IQGAP2: variants seen among roughly 807,000 people sequenced by gnomAD.
The protein encoded by IQGAP2 is ras GTPase-activating-like protein IQGAP2.
Under a neutral mutation model 201.3 loss-of-function variants are expected in IQGAP2, and 173 were observed. The observed-to-expected ratio is 0.86, with a 90% CI of 0.76 to 0.98. IQGAP2 has a LOEUF of 0.98. IQGAP2 is among the 50% of genes least tolerant of loss of function. The pLI is 0.00. For missense variants in IQGAP2, 1,687 were observed against 1,864.8 expected (o/e 0.90, Z 1.76); for synonymous variants, 675 against 673.9 (o/e 1.00, Z -0.03).
At chr5:76,512,567 T>G (rs1439598003) in intron 2 of IQGAP2, among the ~76,000 whole-genome samples, 1 of 152,188 alleles carries the variant, frequency 6.6e-6, no homozygotes, top group East Asian at 1.9e-4. Flanking sequence ...ATCTATTGAA[T>G]TAGACAGGGG....
chr5:76,530,684 C>T lies in IQGAP2; in HGVS notation c.147-31712C>T, dbSNP rs1759244202. On this transcript the variant is annotated intron_variant, in intron 2 of 35. Coordinates refer to ENST00000274364, the MANE Select transcript of IQGAP2 (RefSeq NM_006633.5). ...CTTCTAATTTCCTTTTTGTTCACTA[C>T]TAAGTGATTCTTTATTCTCCATGTG... 2.0e-5 allele frequency among the ~76,000 whole-genome samples: 3 copies of T among 152,210 alleles called. No individual in the cohort carries two copies. The South Asian group carries it at 6.2e-4, about 31-fold the overall frequency.
intron 11 of IQGAP2, among the ~76,000 whole-genome samples, chr5:76,602,904 C>G (rs569832950): frequency 6.6e-6 from 1 of 152,324 alleles, no homozygotes; most frequent in East Asian, 1.9e-4. Context: ...GGCTTCTACT[C>G]TTGGGGCTGT....
intron 2 of IQGAP2, among the ~76,000 whole-genome samples, chr5:76,561,933 G>A (rs1171761624): frequency 1.3e-5 from 2 of 152,040 alleles, no homozygotes; most frequent in African/African-American, 4.8e-5. Context: ...TACCTTTCCT[G>A]GTAGTCATTC....
intron 2 of IQGAP2, among the ~76,000 whole-genome samples, chr5:76,489,309 T>C (rs1212699621): frequency 6.6e-6 from 1 of 152,216 alleles, no homozygotes; most frequent in East Asian, 1.9e-4. Context: ...TAGTTTTGTC[T>C]ACTAGAGCTG....
chr5:76,467,870 CA>C (rs1225576676), intron 2 of IQGAP2, among the ~76,000 whole-genome samples: 1 of 152,102 alleles, frequency 6.6e-6, no homozygotes, highest in Non-Finnish European at 1.5e-5. Context: ...AAGCTAGACA[CA>C]AAAGGCCACA....
At chr5:76,641,139 G>GTGT (rs1751550362) in intron 17 of IQGAP2, 36 bp downstream of exon 17, 1 of 1,453,646 alleles carries the variant, frequency 6.9e-7, no homozygotes, top group African/African-American at 1.4e-5. Context: ...ACACAAAACT[G>GTGT]TCATATCACC....
chr5:76,662,366 A>T (rs1743335440), intron 21 of IQGAP2, among the ~76,000 whole-genome samples: 1 of 152,240 alleles, frequency 6.6e-6, no homozygotes, highest in African/African-American at 2.4e-5. Flanking sequence ...TCTAATGCAG[A>T]GGAATTTAGA....
chr5:76,584,788 G>A (rs1031731992), intron 5 of IQGAP2, among the ~76,000 whole-genome samples: 2 of 152,092 alleles, frequency 1.3e-5, no homozygotes, highest in Non-Finnish European at 2.9e-5. Flanking sequence ...CCAACAAACA[G>A]CAAGTCTCAA....
At chr5:76,528,048 C>T (rs1225354837) in intron 2 of IQGAP2, among the ~76,000 whole-genome samples, 1 of 152,152 alleles carries the variant, frequency 6.6e-6, no homozygotes, top group Non-Finnish European at 1.5e-5. Context: ...CCATCTAGAC[C>T]TCAGGTGAGG....
chr5:76,597,387 A>T, intron 9 of IQGAP2, 52 bp from the exon 10 acceptor site: 1 of 1,581,726 alleles, frequency 6.3e-7, no homozygotes. Context: ...GTTGGGTGAG[A>T]CTGCAGTGGA....
chr5:76,441,301 T>C (rs1445814953), intron 1 of IQGAP2, among the ~76,000 whole-genome samples: 1 of 152,230 alleles, frequency 6.6e-6, no homozygotes, highest in Non-Finnish European at 1.5e-5. Context: ...CAGTCTGAGA[T>C]GCCCGTTTAT....
intron 15 of IQGAP2, among the ~76,000 whole-genome samples, chr5:76,634,002 A>G (rs1750916829): frequency 6.6e-6 from 1 of 151,314 alleles, no homozygotes; most frequent in Non-Finnish European, 1.5e-5. Context: ...ATGAATATTC[A>G]TGTCCAGGTT....
Position 76,520,804 on chromosome 5 carries a change from T to C in IQGAP2, c.147-41592T>C, listed in dbSNP as rs968420883. 2.0e-5 allele frequency among the ~76,000 whole-genome samples: 3 copies of C among 147,984 alleles called. No individual in the cohort carries two copies. In the Admixed American group the frequency reaches 2.1e-4, roughly 10 times the overall value. Reference sequence around the variant, plus strand: ...CTCACTGCCGACTCCGCCTCCCAGGTTCAAGCGATTTTCCTTCGTCAGCCT... The same window carrying C: ...CTCACTGCCGACTCCGCCTCCCAGGCTCAAGCGATTTTCCTTCGTCAGCCT... On this transcript the variant is annotated intron_variant, in intron 2 of 35. Transcript: ENST00000274364.
chr5:76,499,462 A>T (rs1007713353), intron 2 of IQGAP2, among the ~76,000 whole-genome samples: 31 of 152,204 alleles, frequency 2.0e-4, no homozygotes, highest in African/African-American at 7.5e-4. Context: ...GGGGAGAGAT[A>T]CCATCACCTC....
chr5:76,546,818 A>G (rs1419451071), intron 2 of IQGAP2, among the ~76,000 whole-genome samples: 2 of 152,042 alleles, frequency 1.3e-5, no homozygotes, highest in Non-Finnish European at 2.9e-5. Context: ...AAACGTTTTC[A>G]CTCGAGGGAT....
chr5:76,411,785 C>G (rs1232972932), intron 1 of IQGAP2, among the ~76,000 whole-genome samples: 1 of 152,114 alleles, frequency 6.6e-6, no homozygotes, highest in Non-Finnish European at 1.5e-5. Flanking sequence ...ACAAAACAGA[C>G]TAAAACAAAT....
chr5:76,564,578 G>T (rs560737694), intron 3 of IQGAP2, among the ~76,000 whole-genome samples: 7 of 152,348 alleles, frequency 4.6e-5, no homozygotes, highest in African/African-American at 1.7e-4. Context: ...GGCCCTCATG[G>T]CAGTTGCCTC....
At chr5:76,559,440 T>A in intron 2 of IQGAP2, among the ~76,000 whole-genome samples, 1 of 152,210 alleles carries the variant, frequency 6.6e-6, no homozygotes, top group East Asian at 1.9e-4. Flanking sequence ...AGGAGCTCCC[T>A]GCTTCTTGTG....
intron 18 of IQGAP2, 116 bp from the exon 19 acceptor site, chr5:76,654,084 C>A: frequency 1.6e-6 from 1 of 626,748 alleles, no homozygotes; most frequent in Non-Finnish European, 2.7e-6. Flanking sequence ...TTTTCTTTAT[C>A]AAGTATCATT....
Sources: gnomAD v4.1 joint callset for allele counts (sites outside exome capture counted in the v4.1 genomes callset) on GRCh38, gnomAD v4.1.1 for gene constraint, MANE v1.5 for transcripts, NCBI Gene and HGNC (gene_info 2026-07-23, HGNC 2026-07-21) for gene names.